ZNF566: variants seen among roughly 807,000 people sequenced by gnomAD.
ZNF566 encodes the protein zinc finger protein 566.
Under a neutral mutation model 32.8 loss-of-function variants are expected in ZNF566, and 27 were observed. That is an observed-to-expected ratio of 0.82 (90% confidence interval 0.61 to 1.14). The LOEUF (loss-of-function observed/expected upper bound fraction) is 1.14, where lower values mean the gene tolerates loss of function less well. Among genes scored for constraint, ZNF566 ranks in the 50% most tolerant of loss-of-function variants. The pLI is 0.00. For synonymous variants in ZNF566, 154 were observed against 159.5 expected, an observed-to-expected ratio of 0.97 and a Z score of 0.26; for missense variants, 402 against 490.4, an observed-to-expected ratio of 0.82 and a Z score of 1.70.
chr19:36,460,437 G>C (rs1401897047), intron 4 of ZNF566, among the ~76,000 whole-genome samples: 1 of 152,070 alleles, frequency 6.6e-6, no homozygotes, highest in African/African-American at 2.4e-5. Context: ...AAAACCACTG[G>C]CTAGGCTCAA....
At chr19:36,467,061 T>A (rs1405893017) in intron 4 of ZNF566, among the ~76,000 whole-genome samples, 17 of 139,814 alleles carry the variant, frequency 1.2e-4, no homozygotes, top group Non-Finnish European at 2.0e-4. Flanking sequence ...AGAGCGAGAC[T>A]CCGTCAAAAA....
intron 1 of ZNF566, among the ~76,000 whole-genome samples, chr19:36,481,567 G>T (rs2034034425): frequency 6.6e-6 from 1 of 151,580 alleles, no homozygotes; most frequent in Non-Finnish European, 1.5e-5. Flanking sequence ...AACATATTCT[G>T]TTAGGTGGGC....
chr19:36,474,314 T>C (rs1166719432), intron 2 of ZNF566, among the ~76,000 whole-genome samples: 1 of 152,162 alleles, frequency 6.6e-6, no homozygotes, highest in Non-Finnish European at 1.5e-5. Flanking sequence ...TTGATTGGCC[T>C]GTGGCAATGA....
chr19:36,482,634 T>C (rs1225221680), intron 1 of ZNF566, among the ~76,000 whole-genome samples: 1 of 152,204 alleles, frequency 6.6e-6, no homozygotes, highest in Non-Finnish European at 1.5e-5. Flanking sequence ...CTACTGTAGT[T>C]ACTAAATACT....
chr19:36,486,535 G>A (rs2145715470), intron 1 of ZNF566, among the ~76,000 whole-genome samples: 1 of 152,200 alleles, frequency 6.6e-6, no homozygotes, highest in South Asian at 2.1e-4. Flanking sequence ...GCTGGCCGTG[G>A]TGGCGCAAGC....
At chr19:36,456,979 T>C (rs192577497) in intron 4 of ZNF566, among the ~76,000 whole-genome samples, 1 of 152,166 alleles carries the variant, frequency 6.6e-6, no homozygotes, top group African/African-American at 2.4e-5. Flanking sequence ...CATCACTACA[T>C]CCGATAGATT....
intron 4 of ZNF566, among the ~76,000 whole-genome samples, chr19:36,453,553 A>G (rs2033223952): frequency 6.6e-6 from 1 of 150,788 alleles, no homozygotes; most frequent in Non-Finnish European, 1.5e-5. Context: ...TAAACCTACA[A>G]TCATTTGCTA....
intron 4 of ZNF566, among the ~76,000 whole-genome samples, chr19:36,450,895 ATACT>A (rs1271949920): frequency 2.0e-5 from 3 of 152,224 alleles, no homozygotes; most frequent in African/African-American, 7.2e-5. Flanking sequence ...CAAACCTAAA[ATACT>A]TACTATTTGC....
intron 4 of ZNF566, among the ~76,000 whole-genome samples, chr19:36,453,505 A>AAATTAATT (rs371684071): frequency 1.0e-5 from 1 of 99,806 alleles, no homozygotes; most frequent in East Asian, 2.5e-4. Context: ...ATAAATAAAT[A>AAATTAATT]AATTAATTAA....
intron 1 of ZNF566, among the ~76,000 whole-genome samples, chr19:36,483,440 C>T (rs1322414071): frequency 2.0e-5 from 3 of 151,920 alleles, no homozygotes; most frequent in African/African-American, 7.3e-5. Context: ...AATTGCTGAG[C>T]CCAGAGATGG....
At position 36,461,520 on chromosome 19, in the gene ZNF566, ATTAG is replaced by A. The variant is rs1264733863; in HGVS notation, c.232+11387_232+11390del. 2.6e-5 allele frequency among the ~76,000 whole-genome samples: 4 copies of A among 152,108 alleles called. No individual in the cohort carries two copies. The East Asian group carries it at 7.7e-4, about 29-fold the overall frequency. ...CATCTCTACTAAAAATACAAAAAAAATTAGTTAGGCTTAGTGGCGTGCACCTGTA... is the reference window on the plus strand; with the variant it reads ...CATCTCTACTAAAAATACAAAAAAAATTAGGCTTAGTGGCGTGCACCTGTA... On this transcript the variant is annotated intron_variant, in intron 4 of 4. Coordinates refer to ENST00000452939, the MANE Select transcript of ZNF566 (RefSeq NM_001145344.1).
chr19:36,485,043 C>A (rs73049853), intron 1 of ZNF566, among the ~76,000 whole-genome samples: 30,050 of 151,724 alleles, frequency 0.2, 3,121 homozygotes, highest in Non-Finnish European at 0.23. Context: ...ATATATATAT[C>A]TCCTGATATG....
chr19:36,458,534 A>T (rs927797091), intron 4 of ZNF566, among the ~76,000 whole-genome samples: 1 of 152,192 alleles, frequency 6.6e-6, no homozygotes, highest in Non-Finnish European at 1.5e-5. Context: ...AAGGGTACAA[A>T]GTTCTAGTTA....
At chr19:36,485,357 C>T (rs1600184462) in intron 1 of ZNF566, among the ~76,000 whole-genome samples, 1 of 148,384 alleles carries the variant, frequency 6.7e-6, no homozygotes, top group African/African-American at 2.5e-5. Flanking sequence ...GGAAGAATTG[C>T]TTGAGCCCTG....
chr19:36,465,434 T>C (rs1357816606), intron 4 of ZNF566, among the ~76,000 whole-genome samples: 4 of 152,214 alleles, frequency 2.6e-5, no homozygotes, highest in Non-Finnish European at 4.4e-5. Context: ...TTGTCATAAT[T>C]ACATGTTTAC....
chr19:36,488,834 T>C (rs919218266), intron 1 of ZNF566, among the ~76,000 whole-genome samples: 2 of 152,072 alleles, frequency 1.3e-5, no homozygotes, highest in South Asian at 4.1e-4. Context: ...CCTAGAGAAG[T>C]ATACGTAAGT....
At chr19:36,459,942 T>C (rs2033419821) in intron 4 of ZNF566, among the ~76,000 whole-genome samples, 1 of 150,806 alleles carries the variant, frequency 6.6e-6, no homozygotes, top group Non-Finnish European at 1.5e-5. Context: ...CCTCTCAGCC[T>C]CCCAAGTAGC....
intron 4 of ZNF566, among the ~76,000 whole-genome samples, chr19:36,452,838 G>A (rs1002146621): frequency 6.6e-6 from 1 of 152,150 alleles, no homozygotes; most frequent in Non-Finnish European, 1.5e-5. Context: ...TAGAAGACAA[G>A]GCTGGGCACG....
rs76336055 is a variant in ZNF566, at chr19:36,454,613, C to T, written c.233-4612G>A. Among the ~76,000 whole-genome samples the T allele has an allele frequency of 9.0e-3, 1,373 of 152,064 alleles. 10 individuals are homozygous for T. Among genetic ancestry groups the T allele is most frequent in the Non-Finnish European group, 0.015 (1,025 of 68,000 alleles). The stretch of plus-strand genomic sequence containing the variant: ...AGAGACTACTATGAATAATTATATG[C>T]CAACAAATTGGATAAACTAGGAAAA... On this transcript the variant is annotated intron_variant, in intron 4 of 4. Coordinates refer to ENST00000452939, the MANE Select transcript of ZNF566 (RefSeq NM_001145344.1).
Sources: gnomAD v4.1 joint callset for allele counts (sites outside exome capture counted in the v4.1 genomes callset) on GRCh38, gnomAD v4.1.1 for gene constraint, MANE v1.5 for transcripts, NCBI Gene and HGNC (gene_info 2026-07-23, HGNC 2026-07-21) for gene names.